ZBTB17: variants seen among roughly 807,000 people sequenced by gnomAD.
The protein encoded by ZBTB17 is zinc finger and BTB domain containing 17.
ZBTB17 carries 24 observed loss-of-function variants against 85.1 expected under a neutral mutation model. The observed-to-expected ratio is 0.28, with a 90% CI of 0.20 to 0.40. The LOEUF (loss-of-function observed/expected upper bound fraction) is 0.40, where lower values mean the gene tolerates loss of function less well. ZBTB17 is among the 10% of genes least tolerant of loss of function. ZBTB17 has a pLI of 1.00. For missense variants in ZBTB17, 743 were observed against 1,105.1 expected (o/e 0.67, Z 4.65); for synonymous variants, 464 against 460.2 (o/e 1.01, Z -0.11).
At chr1:15,947,525 A>AC (rs1434808397) in intron 3 of ZBTB17, among the ~76,000 whole-genome samples, 5 of 151,908 alleles carry the variant, frequency 3.3e-5, no homozygotes, top group Admixed American at 2.6e-4. Context: ...TGCACAGAGG[A>AC]CGGGGGTATA....
chr1:15,963,321 T>C (rs951460562), intron 2 of ZBTB17, among the ~76,000 whole-genome samples: 2 of 152,078 alleles, frequency 1.3e-5, no homozygotes, highest in African/African-American at 4.8e-5. Flanking sequence ...GCATTAAAGA[T>C]TGGGAATGAT....
Position 15,943,614 on chromosome 1 carries a change from C to T in ZBTB17, c.1561G>A (p.Val521Ile), listed in dbSNP as rs199783364. 35 of 1,612,944 alleles carry T rather than the reference C, an allele frequency of 2.2e-5. No homozygotes were observed. The highest frequency in any genetic ancestry group is 1.3e-4 in the Admixed American group (8 of 60,026). ...CACCACCCACCTGTGTGAATGCGGA[C>T]GTGCCGCTGCAGAGCGCCGGGGTCT... ...FADPGALQRHVRIHTGEKPCQ... is the reference protein window; with the variant it reads ...FADPGALQRHIRIHTGEKPCQ... Residue 521 changes from valine (V) to isoleucine (I), a missense_variant, in exon 11 of 16, where the codon GTC becomes ATC. Coordinates refer to ENST00000375743, the MANE Select transcript of ZBTB17 (RefSeq NM_003443.3).
chr1:15,973,444 G>A lies in ZBTB17; in HGVS notation c.-89-319C>T, dbSNP rs2072750046. 6.6e-6 allele frequency among the ~76,000 whole-genome samples: 1 copy of A among 152,174 alleles called. No individual in the cohort carries two copies. Among genetic ancestry groups the A allele is most frequent in the South Asian group, 2.1e-4 (1 of 4,826 alleles). ...TACTGCAGCATTGGCACTGCTCTGGGATATCCTGGACACTTTGTTTCTCAT... is the reference window on the plus strand; with the variant it reads ...TACTGCAGCATTGGCACTGCTCTGGAATATCCTGGACACTTTGTTTCTCAT... On this transcript the variant is annotated intron_variant, in intron 1 of 15. Transcript: ENST00000375743. The surrounding 1 kb of genome is among the most constrained non-coding windows in gnomAD (Gnocchi z 4.1).
intron 6 of ZBTB17, 136 bp from the exon 7 acceptor site, chr1:15,945,338 C>CTGGG (rs1434890345): frequency 6.9e-7 from 1 of 1,440,742 alleles, no homozygotes; most frequent in African/African-American, 1.4e-5. Flanking sequence ...GGCCTGTGAA[C>CTGGG]TGGGTATTTG....
At chr1:15,968,649 A>G (rs2072529612) in intron 2 of ZBTB17, among the ~76,000 whole-genome samples, 6 of 152,188 alleles carry the variant, frequency 3.9e-5, no homozygotes, top group Admixed American at 3.9e-4. Flanking sequence ...ACCCCTTACC[A>G]GATCTCTCAG....
chr1:15,948,407 A>G lies in ZBTB17; in HGVS notation c.89T>C (p.Val30Ala), dbSNP rs749504450. ...ATGAGCCTTAAAGTGAACACCGTCCACCACAAAGGTGCAGTCACAGAGAAG... is the reference window on the plus strand; with the variant it reads ...ATGAGCCTTAAAGTGAACACCGTCCGCCACAAAGGTGCAGTCACAGAGAAG... ...LGLLCDCTFV[V>A]DGVHFKAHKA... The change falls in exon 3 of 16, where the codon GTG (valine) becomes GCG (alanine). Residue 30 changes from valine to alanine, a missense_variant. Val to Ala is a moderately conservative substitution (Grantham distance 64). This residue lies in a region of ZBTB17 where 74 missense variants were observed against 142.6 expected (regional missense o/e 0.52). Transcript: ENST00000375743. 1 of 1,614,034 alleles carries G rather than the reference A, an allele frequency of 6.2e-7. No individual in the cohort carries two copies. The highest frequency in any genetic ancestry group is 1.1e-5 in the South Asian group (1 of 91,092).
intron 2 of ZBTB17, among the ~76,000 whole-genome samples, chr1:15,955,842 A>C (rs1414972829): frequency 1.3e-5 from 2 of 152,146 alleles, no homozygotes; most frequent in African/African-American, 4.8e-5. Flanking sequence ...GCACCACTGC[A>C]CTCCAGCCTA....
At position 15,973,129 on chromosome 1, in the gene ZBTB17, A is replaced by C. The variant is rs545154821; in HGVS notation, c.-89-4T>G. 2.0e-4 allele frequency: 31 copies of C among 152,222 alleles called. No individual in the cohort carries two copies. Among genetic ancestry groups the C allele is most frequent in the Non-Finnish European group, 3.8e-4 (26 of 68,048 alleles). 9.4% of individuals were successfully genotyped at this position (152,222 alleles called of 1,614,324 possible). On this transcript the variant is annotated splice_polypyrimidine_tract_variant and splice_region_variant and intron_variant, in intron 1 of 15. Transcript: ENST00000375743. This position sits in a 1 kb window ranked among gnomAD's most constrained non-coding sequence, Gnocchi z 4.1. ...CTCCCCTCGTCCGGCTCATTACCTG[A>C]ATCAATGACACACAAGTGGAAAATC...
At chr1:15,956,022 A>G (rs2072033350) in intron 2 of ZBTB17, among the ~76,000 whole-genome samples, 1 of 152,250 alleles carries the variant, frequency 6.6e-6, no homozygotes, top group African/African-American at 2.4e-5. Flanking sequence ...CCAGCAGCCC[A>G]GGCCAGCTTA....
In ZBTB17 at chr1:15,976,015, G is replaced by A; in HGVS notation, c.-122C>T. On this transcript the variant is annotated 5_prime_UTR_variant, in exon 1 of 16. Coordinates refer to ENST00000375743, the MANE Select transcript of ZBTB17 (RefSeq NM_003443.3). The stretch of plus-strand genomic sequence containing the variant: ...GTCCCGGACCCCACCGCAGAGGGAG[G>A]TGCATCACGGCCGCGAGAAGGCCGG... The A allele has an allele frequency of 2.9e-6, 2 of 698,308 alleles. No individual in the cohort carries two copies. Among genetic ancestry groups the A allele is most frequent in the South Asian group, 3.0e-5 (2 of 66,932 alleles). The allele number at this position is 698,308 out of a possible 1,614,324, so 43.3% of individuals were successfully genotyped here. A position where few individuals can be genotyped will look rare whatever the true frequency, so the allele number is the denominator to read the frequency against.
In ZBTB17 at chr1:15,942,110, A is replaced by G; in HGVS notation, c.2271T>C (p.Tyr757=). The change falls in exon 16 of 16, where the codon TAT becomes TAC. Residue 757 remains tyrosine, a synonymous_variant. Transcript: ENST00000375743. ...CGGCAGGCCACGTGCCACCTGGCCC[A>G]TACTGCTGATAGAAGTCCGCGTCTG... The part of the protein sequence containing the change: ...FQTDADFYQQ[Y]GPGGTWPAGQ... 2.5e-6 allele frequency: 4 copies of G among 1,613,398 alleles called. No homozygotes were observed. The highest frequency in any genetic ancestry group is 1.1e-5 in the South Asian group (1 of 91,088).
intron 2 of ZBTB17, among the ~76,000 whole-genome samples, chr1:15,949,321 C>T (rs1052887249): frequency 6.6e-6 from 1 of 152,220 alleles, no homozygotes; most frequent in South Asian, 2.1e-4. Flanking sequence ...GACTAAGTAA[C>T]TATCTAAAAC....
At chr1:15,946,702 G>C (rs892718821) in intron 4 of ZBTB17, among the ~76,000 whole-genome samples, 2 of 152,240 alleles carry the variant, frequency 1.3e-5, no homozygotes, top group Non-Finnish European at 2.9e-5. Context: ...CCGCAGGAGG[G>C]TTTAGGAGCC....
intron 4 of ZBTB17, among the ~76,000 whole-genome samples, chr1:15,946,586 G>A (rs1220973234): frequency 6.6e-6 from 1 of 152,252 alleles, no homozygotes; most frequent in Non-Finnish European, 1.5e-5. Flanking sequence ...AGGGAGGAAC[G>A]CAGCCTCTGG....
chr1:15,946,530 C>A (rs2071619385), intron 4 of ZBTB17, among the ~76,000 whole-genome samples: 1 of 152,240 alleles, frequency 6.6e-6, no homozygotes, highest in African/African-American at 2.4e-5. Context: ...GACATGCAGA[C>A]CCCATGTGTG....
intron 2 of ZBTB17, among the ~76,000 whole-genome samples, chr1:15,961,225 C>G (rs2072248668): frequency 6.6e-6 from 1 of 152,060 alleles, no homozygotes; most frequent in South Asian, 2.1e-4. Flanking sequence ...TAAAATGAGG[C>G]ATTTACCTAG....
chr1:15,945,604 C>A (rs1437380426), intron 6 of ZBTB17, 111 bp downstream of exon 6: 5 of 1,480,530 alleles, frequency 3.4e-6, no homozygotes, highest in Non-Finnish European at 4.6e-6. Context: ...CATGGTGACT[C>A]CAGGTGGGAC....
At chr1:15,974,823 G>A (rs545040533) in intron 1 of ZBTB17, among the ~76,000 whole-genome samples, 24 of 152,042 alleles carry the variant, frequency 1.6e-4, no homozygotes, top group East Asian at 5.8e-4. Flanking sequence ...TGATCTGCCC[G>A]CCTGGGCCTC....
At chr1:15,946,393 C>A in intron 4 of ZBTB17, 99 bp from the exon 5 acceptor site, 1 of 1,521,064 alleles carries the variant, frequency 6.6e-7, no homozygotes, top group Non-Finnish European at 8.9e-7. Flanking sequence ...CTCGTCCTCC[C>A]TAGGGTACCT....
Sources: allele counts gnomAD v4.1 joint callset (sites outside exome capture counted in the v4.1 genomes callset), GRCh38; gene constraint gnomAD v4.1.1; regional missense constraint gnomAD v4.1.1; non-coding constraint Gnocchi (gnomAD v3.1); transcripts MANE v1.5; gene names NCBI Gene and HGNC (gene_info 2026-07-23, HGNC 2026-07-21).